RNLS: variants seen among roughly 807,000 people sequenced by gnomAD.
RNLS encodes renalase.
Under a neutral mutation model 39.8 loss-of-function variants are expected in RNLS, and 39 were observed. That is an observed-to-expected ratio of 0.98 (90% confidence interval 0.76 to 1.28). The LOEUF (loss-of-function observed/expected upper bound fraction) is 1.28, where lower values mean the gene tolerates loss of function less well. Among genes scored for constraint, RNLS ranks in the 50% most tolerant of loss-of-function variants. The pLI is 0.00. For synonymous variants in RNLS, 147 were observed against 150.7 expected (o/e 0.98, Z 0.18); for missense variants, 410 against 413.3 (o/e 0.99, Z 0.07).
At chr10:88,253,561 C>T in the RNLS span, among the ~76,000 whole-genome samples, 2 of 152,160 alleles carry the variant, frequency 1.3e-5, no homozygotes, top group Non-Finnish European at 2.9e-5. Flanking sequence ...ACTGGTCTTG[C>T]CCTGAGAACC....
At chr10:88,238,365 G>C in the RNLS span, among the ~76,000 whole-genome samples, 32 of 152,176 alleles carry the variant, frequency 2.1e-4, no homozygotes, top group Non-Finnish European at 1.5e-5. Flanking sequence ...CCATAGCATA[G>C]ATGAAACAAA....
intron 4 of RNLS, among the ~76,000 whole-genome samples, chr10:88,528,698 C>T (rs1382648687): frequency 6.6e-6 from 1 of 151,552 alleles, no homozygotes. Flanking sequence ...ATACAAATTA[C>T]AAAAATTAGC....
the RNLS span, among the ~76,000 whole-genome samples, chr10:88,172,532 T>C: frequency 2.6e-5 from 4 of 151,770 alleles, no homozygotes. Context: ...ATTATTTGTA[T>C]TTTTTTACTG....
chr10:88,312,605 T>G (rs1466676303), intron 6 of RNLS, among the ~76,000 whole-genome samples: 1 of 152,172 alleles, frequency 6.6e-6, no homozygotes, highest in East Asian at 1.9e-4. Context: ...TTGAAGGAAG[T>G]TATTTCATCT....
intron 4 of RNLS, among the ~76,000 whole-genome samples, chr10:88,546,904 C>CA (rs35186408): frequency 0.019 from 2,559 of 133,458 alleles, 39 homozygotes; most frequent in South Asian, 0.087. Context: ...ACCATGAAAC[C>CA]AAAAAAAAAA....
At chr10:88,180,653 A>C in the RNLS span, among the ~76,000 whole-genome samples, 2 of 152,350 alleles carry the variant, frequency 1.3e-5, no homozygotes, top group Admixed American at 1.3e-4. Flanking sequence ...ATCTAAAAGT[A>C]TTCACCTGTA....
the RNLS span, among the ~76,000 whole-genome samples, chr10:88,183,067 G>A: frequency 1.3e-5 from 2 of 152,114 alleles, no homozygotes; most frequent in Admixed American, 1.3e-4. Context: ...TAGCATATTA[G>A]CATGCTTCTT....
At chr10:88,267,710 A>G in the RNLS span, among the ~76,000 whole-genome samples, 1 of 152,248 alleles carries the variant, frequency 6.6e-6, no homozygotes, top group Non-Finnish European at 1.5e-5. Context: ...TGAACAATAA[A>G]GTCAGACCTT....
intron 4 of RNLS, among the ~76,000 whole-genome samples, chr10:88,539,488 C>T (rs1480187286): frequency 6.6e-6 from 1 of 152,082 alleles, no homozygotes. Flanking sequence ...CATGGGACAC[C>T]AAGCTGCTAC....
intron 4 of RNLS, among the ~76,000 whole-genome samples, chr10:88,568,874 C>T (rs958519874): frequency 6.6e-6 from 1 of 152,188 alleles, no homozygotes. Flanking sequence ...ATAATTCTCA[C>T]AGTGCGGCTT....
At chr10:88,192,414 C>T in the RNLS span, among the ~76,000 whole-genome samples, 1 of 152,080 alleles carries the variant, frequency 6.6e-6, no homozygotes, top group African/African-American at 2.4e-5. Context: ...AAATTAAAAG[C>T]CTTAAATAAA....
chr10:88,349,461 C>A (rs1485756573), intron 5 of RNLS, among the ~76,000 whole-genome samples: 1 of 152,012 alleles, frequency 6.6e-6, no homozygotes, highest in Non-Finnish European at 1.5e-5. Flanking sequence ...TAATAAAAGT[C>A]CCCTCCCCTT....
intron 4 of RNLS, among the ~76,000 whole-genome samples, chr10:88,369,726 A>T (rs1455058925): frequency 6.6e-6 from 1 of 152,072 alleles, no homozygotes; most frequent in East Asian, 1.9e-4. Flanking sequence ...GTTGCCTAGG[A>T]TGGAGTGCAG....
intron 6 of RNLS, among the ~76,000 whole-genome samples, chr10:88,291,357 G>T (rs779103943): frequency 6.6e-6 from 1 of 152,176 alleles, no homozygotes; most frequent in South Asian, 2.1e-4. Flanking sequence ...GGTTATCTAA[G>T]AATCCATTTG....
the RNLS span, among the ~76,000 whole-genome samples, chr10:88,227,293 G>A: frequency 6.6e-6 from 1 of 152,304 alleles, no homozygotes; most frequent in East Asian, 1.9e-4. Context: ...TTTAATCCAA[G>A]CATTCACTTT....
At chr10:88,521,207 G>A (rs1378461610) in intron 4 of RNLS, among the ~76,000 whole-genome samples, 4 of 151,982 alleles carry the variant, frequency 2.6e-5, no homozygotes, top group Non-Finnish European at 5.9e-5. Context: ...GTCCTGTAAT[G>A]TCTACACCTG....
intron 4 of RNLS, among the ~76,000 whole-genome samples, chr10:88,414,564 C>T (rs1853898711): frequency 6.6e-6 from 1 of 152,118 alleles, no homozygotes; most frequent in Non-Finnish European, 1.5e-5. Context: ...ATGGATTTTG[C>T]TCACTGTGTG....
the RNLS span, among the ~76,000 whole-genome samples, chr10:88,195,094 A>G: frequency 6.6e-6 from 1 of 152,164 alleles, no homozygotes; most frequent in African/African-American, 2.4e-5. Context: ...TAAGCATCCA[A>G]TGCATTCATC....
At chr10:88,257,476 A>T in the RNLS span, among the ~76,000 whole-genome samples, 1 of 152,224 alleles carries the variant, frequency 6.6e-6, no homozygotes, top group Non-Finnish European at 1.5e-5. Context: ...GTTGATGGGC[A>T]GCTGGCTAGG....
Sources: gnomAD v4.1 joint callset for allele counts (sites outside exome capture counted in the v4.1 genomes callset) on GRCh38, gnomAD v4.1.1 for gene constraint, MANE v1.5 for transcripts, NCBI Gene and HGNC (gene_info 2026-07-23, HGNC 2026-07-21) for gene names.